The following ALDH1L1 variants were observed in gnomAD, a reference collection of about 807,000 sequenced individuals.
ALDH1L1 encodes the protein aldehyde dehydrogenase 1 family member L1.
In ALDH1L1, 68 loss-of-function variants were observed where a neutral mutation model predicts 101.1. The observed-to-expected ratio is 0.67, with a 90% CI of 0.55 to 0.82. The LOEUF is 0.82. ALDH1L1 is among the 40% of genes least tolerant of loss of function. ALDH1L1 has a pLI of 0.00. For synonymous variants in ALDH1L1, 486 were observed against 470.8 expected (o/e 1.03, Z -0.42); for missense variants, 1,087 against 1,172.7 (o/e 0.93, Z 1.07).
At chr3:126,131,663 G>A in intron 12 of ALDH1L1, 129 bp from the exon 13 acceptor site, 1 of 1,012,358 alleles carries the variant, frequency 9.9e-7, no homozygotes, top group East Asian at 2.7e-5. Context: ...CAGATGTGCG[G>A]ACCTCCGTTT....
intron 15 of ALDH1L1, 64 bp from the exon 16 acceptor site, chr3:126,124,515 C>T: frequency 7.5e-7 from 1 of 1,329,702 alleles, no homozygotes; most frequent in Non-Finnish European, 1.1e-6. Context: ...CTCTGCCTTC[C>T]CTCCCCGCCT....
chr3:126,130,621 G>A (rs2080281525), intron 13 of ALDH1L1, among the ~76,000 whole-genome samples: 1 of 152,242 alleles, frequency 6.6e-6, no homozygotes, highest in Non-Finnish European at 1.5e-5. Flanking sequence ...CATGTAGAAG[G>A]CCCAGGCCTT....
In ALDH1L1 at chr3:126,150,308, G is replaced by A. The variant is rs953426676; in HGVS notation, c.984+98C>T. On this transcript the variant is annotated intron_variant, in intron 8 of 22. Transcript: ENST00000393434. ...TGGAGCCAAAACAGACACCCACAGA[G>A]GGCTGGCGCTGCCCAACTCTGGGGA... 4.0e-5 allele frequency: 59 copies of A among 1,477,776 alleles called. No individual in the cohort carries two copies. In the African/African-American group the frequency reaches 7.6e-4, roughly 19 times the overall value. 91.5% of individuals were successfully genotyped at this position (1,477,776 alleles called of 1,614,324 possible). A position where few individuals can be genotyped will look rare whatever the true frequency, so the allele number is the denominator to read the frequency against.
rs774190831 is a variant in ALDH1L1 at position 126,103,672 on chromosome 3, C to G, written c.*119G>C. The G allele has an allele frequency of 2.5e-5, 26 of 1,049,860 alleles. No homozygotes were observed. In the Middle Eastern group the frequency reaches 8.9e-4, roughly 36 times the overall value. The allele number at this position is 1,049,860 out of a possible 1,614,324, so 65.0% of individuals were successfully genotyped here. A position where few individuals can be genotyped will look rare whatever the true frequency, so the allele number is the denominator to read the frequency against. On this transcript the variant is annotated 3_prime_UTR_variant, in exon 23 of 23. Coordinates refer to ENST00000393434, the MANE Select transcript of ALDH1L1 (RefSeq NM_012190.4). Reference sequence around the variant, plus strand: ...GCGTCCAAGATGCAGACATGGTGTGCAGGCAGGAGGGCTTCCACTAGCCCC... The same window carrying G: ...GCGTCCAAGATGCAGACATGGTGTGGAGGCAGGAGGGCTTCCACTAGCCCC...
chr3:126,116,530 C>T (rs866027290), intron 17 of ALDH1L1, among the ~76,000 whole-genome samples: 4 of 152,334 alleles, frequency 2.6e-5, no homozygotes, highest in Middle Eastern at 3.4e-3. Context: ...TCACCCTGGA[C>T]TTGACTCACA....
rs762085301 is a variant in ALDH1L1 at position 126,157,347 on chromosome 3, C to T, written c.524G>A (p.Gly175Glu). ...CGGCCGGCTCCAGGTCCTCACCATCCCTTTGATGCCTTCAGGGAAGAGGAA... is the reference window on the plus strand; with the variant it reads ...CGGCCGGCTCCAGGTCCTCACCATCTCTTTGATGCCTTCAGGGAAGAGGAA... ...NRFLFPEGIK[G>E]MVQAVRLIAE... is the part of the protein sequence containing the mutation. Residue 175 changes from glycine (G) to glutamate (E), a missense_variant, in exon 4 of 23, where the codon GGG (glycine) becomes GAG (glutamate). Physicochemically the swap from Gly to Glu is moderately conservative, Grantham distance 98. Coordinates refer to ENST00000393434, the MANE Select transcript of ALDH1L1 (RefSeq NM_012190.4). 4 of 1,610,020 alleles carry T rather than the reference C, an allele frequency of 2.5e-6. No homozygotes were observed. Among genetic ancestry groups the T allele is most frequent in the Non-Finnish European group, 3.4e-6 (4 of 1,177,154 alleles).
intron 8 of ALDH1L1, among the ~76,000 whole-genome samples, chr3:126,149,866 G>T (rs1404558702): frequency 2.0e-5 from 3 of 152,234 alleles, no homozygotes; most frequent in Non-Finnish European, 4.4e-5. Flanking sequence ...AGGATACAGT[G>T]GGAGGGAGCA....
rs141642337 is a variant in ALDH1L1 at position 126,153,578 on chromosome 3, G to C, written c.724C>G (p.Leu242Val). The C allele has an allele frequency of 9.7e-5, 157 of 1,611,488 alleles. No homozygotes were observed. Among genetic ancestry groups the C allele is most frequent in the Non-Finnish European group, 1.3e-4 (153 of 1,178,372 alleles). ...GAWTEACEQK[L>V]TFFNSTLNTS... ...TTCAGCGTTGAGTTGAAAAATGTCA[G>C]TTTCTGTCAAGGGGAGAAATATCAG... The change falls in exon 7 of 23, where the codon CTG (leucine) becomes GTG (valine). Residue 242 changes from leucine (L) to valine (V), a missense_variant. Coordinates refer to ENST00000393434, the MANE Select transcript of ALDH1L1 (RefSeq NM_012190.4).
chr3:126,184,027 GC>G (rs1321920870), upstream of ALDH1L1, among the ~76,000 whole-genome samples: 1 of 152,212 alleles, frequency 6.6e-6, no homozygotes, highest in Non-Finnish European at 1.5e-5. Flanking sequence ...TAATTCCCCT[GC>G]CTTTGAATGT....
chr3:126,189,034 A>C (rs1156443510), intron 1 of ALDH1L1, among the ~76,000 whole-genome samples: 1 of 152,184 alleles, frequency 6.6e-6, no homozygotes, highest in Non-Finnish European at 1.5e-5. Context: ...TGCTCAGCTG[A>C]TAAGCCATCT....
At chr3:126,183,734 T>G (rs539609812), upstream of ALDH1L1, among the ~76,000 whole-genome samples, 2 of 152,208 alleles carry the variant, frequency 1.3e-5, no homozygotes, top group East Asian at 3.9e-4. Flanking sequence ...GAGGCGCAGT[T>G]AATTTGTCTC....
chr3:126,111,601 A>T lies in ALDH1L1; in HGVS notation c.2181+1181T>A, dbSNP rs560464399. On this transcript the variant is annotated intron_variant, in intron 19 of 22. Transcript: ENST00000393434. ...GGCAAAAACTGTTCTAGCCCGTCCT[A>T]GAAAGTCCTTCCTTTTCCCACTGCT... Among the ~76,000 whole-genome samples, 3 of 152,308 alleles carry T rather than the reference A, an allele frequency of 2.0e-5. No individual in the cohort carries two copies. The East Asian group carries it at 5.8e-4, about 29-fold the overall frequency.
chr3:126,172,995 T>A (rs1283512068), intron 1 of ALDH1L1, among the ~76,000 whole-genome samples: 1 of 152,174 alleles, frequency 6.6e-6, no homozygotes, highest in Non-Finnish European at 1.5e-5. Context: ...CTAACTAGAT[T>A]CCATCTGTAT....
intron 16 of ALDH1L1, among the ~76,000 whole-genome samples, chr3:126,124,110 GACACAC>G (rs3841921): frequency 0.013 from 1,895 of 148,890 alleles, 20 homozygotes; most frequent in South Asian, 0.02. Context: ...AGGGCGCGCG[GACACAC>G]ACACACACAC....
intron 1 of ALDH1L1, among the ~76,000 whole-genome samples, chr3:126,178,159 T>C (rs2081397896): frequency 6.6e-6 from 1 of 152,042 alleles, no homozygotes; most frequent in Non-Finnish European, 1.5e-5. Flanking sequence ...AGGCAGAGGA[T>C]CACTTGAGCC....
chr3:126,136,872 T>C lies in ALDH1L1; in HGVS notation c.1236A>G (p.Ala412=). The C allele has an allele frequency of 6.2e-7, 1 of 1,613,636 alleles. No individual in the cohort carries two copies. The highest frequency in any genetic ancestry group is 8.5e-7 in the Non-Finnish European group (1 of 1,179,854). ...GECSIDYVEM[A]VNKRTVRMPH... ...GCATGCGGACAGTGCGCTTGTTCAC[T>C]GCCATTTCCACCTGAAAGAAAGGCC... The change falls in exon 11 of 23, where the codon GCA becomes GCG. Residue 412 remains alanine, a synonymous_variant. Transcript: ENST00000393434.
chr3:126,110,077 G>A lies in ALDH1L1; in HGVS notation c.2214C>T (p.Asn738=), dbSNP rs767634341. Residue 738 remains asparagine (N), a synonymous_variant, in exon 20 of 23, where the codon AAC becomes AAT. Coordinates refer to ENST00000393434, the MANE Select transcript of ALDH1L1 (RefSeq NM_012190.4). The part of the protein sequence containing the change: ...VEEVRKMKVG[N]PLDRDTDHGP... ...CGTGGTCGGTGTCCCTGTCCAGCGGGTTGCCCACCTTCATCTTCCGCACCT... is the reference window on the plus strand; with the variant it reads ...CGTGGTCGGTGTCCCTGTCCAGCGGATTGCCCACCTTCATCTTCCGCACCT... The A allele has an allele frequency of 5.6e-6, 9 of 1,614,162 alleles. No homozygotes were observed. Among genetic ancestry groups the A allele is most frequent in the South Asian group, 4.4e-5 (4 of 91,080 alleles).
intron 9 of ALDH1L1, among the ~76,000 whole-genome samples, chr3:126,145,626 G>C (rs1392002115): frequency 1.3e-5 from 2 of 152,214 alleles, no homozygotes; most frequent in Non-Finnish European, 2.9e-5. Flanking sequence ...AAGTACTAGA[G>C]TGGCCAAGCT....
chr3:126,178,160 C>G (rs996011924), intron 1 of ALDH1L1, among the ~76,000 whole-genome samples: 1 of 152,110 alleles, frequency 6.6e-6, no homozygotes, highest in African/African-American at 2.4e-5. Context: ...GGCAGAGGAT[C>G]ACTTGAGCCC....
Sources: allele counts gnomAD v4.1 joint callset (sites outside exome capture counted in the v4.1 genomes callset), GRCh38; gene constraint gnomAD v4.1.1; transcripts MANE v1.5; gene names NCBI Gene and HGNC (gene_info 2026-07-23, HGNC 2026-07-21).